The following NAA60 variants were observed in gnomAD, a reference collection of about 807,000 sequenced individuals.
NAA60 encodes N-alpha-acetyltransferase 60.
In NAA60, 8 loss-of-function variants were observed where a neutral mutation model predicts 26.1. That is an observed-to-expected ratio of 0.31 (90% CI 0.18 to 0.55). The LOEUF is 0.55. NAA60 is among the 20% of genes least tolerant of loss of function. The probability of loss-of-function intolerance (pLI) is 0.93; values close to 1 mark genes in which losing one functional copy is unlikely to be tolerated. For synonymous variants in NAA60, 131 were observed against 122.5 expected, an observed-to-expected ratio of 1.07 and a Z score of -0.46; for missense variants, 290 against 311.3, an observed-to-expected ratio of 0.93 and a Z score of 0.51.
intron 2 of NAA60, among the ~76,000 whole-genome samples, chr16:3,455,694 C>T (rs1383117240): frequency 6.6e-6 from 1 of 151,024 alleles, no homozygotes; most frequent in African/African-American, 2.4e-5. Flanking sequence ...TGCACCCGGC[C>T]CAAGTTTTGG....
intron 3 of NAA60, among the ~76,000 whole-genome samples, chr16:3,477,292 A>T (rs1210156515): frequency 6.6e-6 from 1 of 152,244 alleles, no homozygotes; most frequent in Non-Finnish European, 1.5e-5. Context: ...ATATATGCAC[A>T]TACAGCTTTT....
chr16:3,452,210 C>A (rs751995100), intron 2 of NAA60, among the ~76,000 whole-genome samples: 9 of 152,142 alleles, frequency 5.9e-5, no homozygotes, highest in Non-Finnish European at 7.4e-5. Context: ...GAGACCTTGT[C>A]TCAAAAAAAT....
intron 2 of NAA60, among the ~76,000 whole-genome samples, chr16:3,462,099 A>AAAAAAAAAAAC (rs970584546): frequency 2.6e-5 from 4 of 151,712 alleles, no homozygotes; most frequent in African/African-American, 9.7e-5. Context: ...AAAAAAAAAA[A>AAAAAAAAAAAC]AAAAAACCTT....
At chr16:3,478,113 G>C (rs2036599925) in intron 3 of NAA60, among the ~76,000 whole-genome samples, 1 of 146,826 alleles carries the variant, frequency 6.8e-6, no homozygotes, top group African/African-American at 2.5e-5. Flanking sequence ...GCACGCACCT[G>C]TAACCCCAGC....
intron 2 of NAA60, among the ~76,000 whole-genome samples, chr16:3,456,083 C>A (rs1315246172): frequency 6.6e-6 from 1 of 152,164 alleles, no homozygotes; most frequent in Non-Finnish European, 1.5e-5. Context: ...TATTTAGAAC[C>A]CTGGAAACAG....
At chr16:3,476,460 G>GGGGC in intron 3 of NAA60, 123 bp downstream of exon 3, 1 of 732,578 alleles carries the variant, frequency 1.4e-6, no homozygotes, top group South Asian at 1.9e-5. Context: ...ATGGCCTGGA[G>GGGGC]GGGCCACAGG....
At chr16:3,471,333 C>G (rs901325258) in intron 2 of NAA60, among the ~76,000 whole-genome samples, 1 of 151,998 alleles carries the variant, frequency 6.6e-6, no homozygotes, top group Non-Finnish European at 1.5e-5. Flanking sequence ...AACCCCATCT[C>G]TACTAAAAAT....
chr16:3,483,681 C>G, intron 6 of NAA60, 84 bp downstream of exon 6: 2 of 1,064,050 alleles, frequency 1.9e-6, no homozygotes, highest in Non-Finnish European at 2.8e-6. Flanking sequence ...AGCTGTGGTC[C>G]CCCTCAGATG....
intron 1 of NAA60, among the ~76,000 whole-genome samples, chr16:3,446,271 C>T (rs143181526): frequency 0.019 from 2,875 of 152,206 alleles, 92 homozygotes; most frequent in African/African-American, 0.067. Flanking sequence ...GTGGCTCACG[C>T]CTGTAATCCC....
In NAA60 at chr16:3,484,809, C is replaced by G; in HGVS notation, c.683C>G (p.Ser228Trp). The change falls in exon 7 of 8, where the codon TCG (serine) becomes TGG (tryptophan). Residue 228 changes from serine to tryptophan, a missense_variant. By Grantham distance (177) the Ser-to-Trp change is radical. Transcript: ENST00000407558. Reference protein sequence around the residue: ...HSLLCSFLPWSGISSKSGIEY... With the variant: ...HSLLCSFLPWWGISSKSGIEY... ...CTGCTCTGCAGCTTCCTGCCATGGTCGGGCATCTCTTCCAAGAGTGGCATC... is the reference window on the plus strand; with the variant it reads ...CTGCTCTGCAGCTTCCTGCCATGGTGGGGCATCTCTTCCAAGAGTGGCATC... 1 of 1,575,602 alleles carries G rather than the reference C, an allele frequency of 6.3e-7. No individual in the cohort carries two copies.
intron 2 of NAA60, chr16:3,450,059 TAAA>T: frequency 2.5e-6 from 1 of 397,662 alleles, no homozygotes. Context: ...AAGAAGGAAC[TAAA>T]GAAGAATTTC....
chr16:3,459,210 TAAAA>T (rs1394662866), intron 2 of NAA60, among the ~76,000 whole-genome samples: 1 of 152,160 alleles, frequency 6.6e-6, no homozygotes, highest in African/African-American at 2.4e-5. Context: ...ACTGAAGGCA[TAAAA>T]CCCTTAGTTA....
In NAA60 at chr16:3,483,497, C is replaced by T; in HGVS notation, c.472C>T (p.His158Tyr). 6.2e-7 allele frequency: 1 copy of T among 1,613,976 alleles called. No homozygotes were observed. Among genetic ancestry groups the T allele is most frequent in the Admixed American group, 1.7e-5 (1 of 60,010 alleles). The change falls in exon 6 of 8, where the codon CAC (histidine) becomes TAC (tyrosine). Residue 158 changes from histidine to tyrosine, a missense_variant. His to Tyr is a moderately conservative substitution (Grantham distance 83, BLOSUM62 2). Transcript: ENST00000407558. ...CTATGAAAACAGAGACTTCAAGCAG[C>T]ACCACTATCTCCCCTATTACTACTC... ...NFYENRDFKQ[H>Y]HYLPYYYSIR...
At chr16:3,470,870 A>G (rs1596329363) in intron 2 of NAA60, among the ~76,000 whole-genome samples, 1 of 152,184 alleles carries the variant, frequency 6.6e-6, no homozygotes, top group Admixed American at 6.5e-5. Context: ...TGTTTCGTGC[A>G]CCTTCCTGCC....
intron 3 of NAA60, among the ~76,000 whole-genome samples, 187 bp downstream of exon 3, chr16:3,476,524 C>G (rs1017575487): frequency 3.9e-5 from 6 of 152,180 alleles, no homozygotes; most frequent in Non-Finnish European, 8.8e-5. Context: ...CTCTTTCCAC[C>G]TCTCAGGGTG....
At chr16:3,446,277 A>G (rs2034547365) in intron 1 of NAA60, among the ~76,000 whole-genome samples, 1 of 152,294 alleles carries the variant, frequency 6.6e-6, no homozygotes, top group East Asian at 1.9e-4. Context: ...CACGCCTGTA[A>G]TCCCAGCATT....
chr16:3,474,557 G>T (rs143958432), intron 2 of NAA60, among the ~76,000 whole-genome samples: 2 of 152,232 alleles, frequency 1.3e-5, no homozygotes, highest in African/African-American at 4.8e-5. Flanking sequence ...AGTGGACGCC[G>T]CGGGCACTTC....
chr16:3,481,853 G>A (rs1468993497), intron 4 of NAA60, among the ~76,000 whole-genome samples: 4 of 152,208 alleles, frequency 2.6e-5, no homozygotes, highest in Non-Finnish European at 5.9e-5. Context: ...AGCCCAGCAC[G>A]TGGGAGCAGA....
intron 4 of NAA60, 50 bp from the exon 5 acceptor site, chr16:3,482,452 G>C (rs1339310123): frequency 6.9e-6 from 10 of 1,445,778 alleles, no homozygotes; most frequent in Non-Finnish European, 9.5e-6. Context: ...TGTGCAGTGA[G>C]CCGTGCACCA....
Sources: gnomAD v4.1 joint callset for allele counts (sites outside exome capture counted in the v4.1 genomes callset) on GRCh38, gnomAD v4.1.1 for gene constraint, MANE v1.5 for transcripts, NCBI Gene and HGNC (gene_info 2026-07-23, HGNC 2026-07-21) for gene names.